The following RAPGEF4 variants were observed in gnomAD, a reference collection of about 807,000 sequenced individuals.
RAPGEF4 encodes RAP guanine-nucleotide-exchange factor (GEF) 4.
Under a neutral mutation model 147.9 loss-of-function variants are expected in RAPGEF4, and 66 were observed. The ratio of observed to expected loss-of-function variants is 0.45; its 90% CI spans 0.37 to 0.55. RAPGEF4 has a LOEUF of 0.55. Among genes scored for constraint, RAPGEF4 ranks in the 20% least tolerant of loss-of-function variants. The pLI is 0.00. For missense variants in RAPGEF4, 1,071 were observed against 1,257.3 expected (o/e 0.85, Z 2.24); for synonymous variants, 419 against 442.7 (o/e 0.95, Z 0.67).
At chr2:172,864,522 T>C (rs1358264401) in intron 4 of RAPGEF4, among the ~76,000 whole-genome samples, 1 of 152,182 alleles carries the variant, frequency 6.6e-6, no homozygotes, top group African/African-American at 2.4e-5. Flanking sequence ...TTGTCTTCAC[T>C]TCCTTCCCTG....
intron 28 of RAPGEF4, 92 bp downstream of exon 28, chr2:173,036,304 G>A: frequency 9.8e-7 from 1 of 1,025,114 alleles, no homozygotes; most frequent in South Asian, 1.4e-5. Flanking sequence ...ACTTAGGGAA[G>A]AATGATCGAT....
intron 6 of RAPGEF4, among the ~76,000 whole-genome samples, chr2:172,950,245 G>T (rs1688078365): frequency 6.6e-6 from 1 of 152,192 alleles, no homozygotes; most frequent in East Asian, 1.9e-4. Flanking sequence ...AGGGCGGTAG[G>T]GGAGGGGCTG....
rs975509695 is a variant in RAPGEF4, at chr2:172,858,911, G to A, written c.444+44486G>A. 4.7e-4 allele frequency among the ~76,000 whole-genome samples: 71 copies of A among 152,170 alleles called. 1 individual carries two copies. The highest frequency in any genetic ancestry group is 1.6e-3 in the African/African-American group (68 of 41,504). On this transcript the variant is annotated intron_variant, in intron 4 of 30. Coordinates refer to ENST00000397081, the MANE Select transcript of RAPGEF4 (RefSeq NM_007023.4). Reference sequence around the variant, plus strand: ...TTTCTGTTTTTGGGGGGTGCGGTTGGGGAAGAACCTGAAATGTGAGTATTT... The same window carrying A: ...TTTCTGTTTTTGGGGGGTGCGGTTGAGGAAGAACCTGAAATGTGAGTATTT...
intron 3 of RAPGEF4, among the ~76,000 whole-genome samples, chr2:172,805,266 C>A (rs530958833): frequency 6.6e-6 from 1 of 152,274 alleles, no homozygotes; most frequent in South Asian, 2.1e-4. Context: ...GAGACCCTCC[C>A]TTAGGAGCTG....
intron 2 of RAPGEF4, 43 bp from the exon 3 acceptor site, chr2:172,797,482 A>G (rs752552092): frequency 9.8e-6 from 15 of 1,525,228 alleles, no homozygotes; most frequent in Non-Finnish European, 1.4e-5. Context: ...TAGTAAAACC[A>G]AGTTGTATCT....
intron 1 of RAPGEF4, among the ~76,000 whole-genome samples, chr2:172,776,659 T>G (rs1169550514): frequency 6.6e-6 from 1 of 152,156 alleles, no homozygotes; most frequent in Non-Finnish European, 1.5e-5. Flanking sequence ...CTTCAGATAA[T>G]TTCTATTGCC....
At position 173,001,248 on chromosome 2, in the gene RAPGEF4, GT is replaced by G. The variant is rs3214814; in HGVS notation, c.1580-11del. 8.1e-6 allele frequency: 13 copies of G among 1,612,530 alleles called. No homozygotes were observed. Among genetic ancestry groups the G allele is most frequent in the Admixed American group, 3.3e-5 (2 of 59,844 alleles). ...CCACAAGAACCTAATTTCCTTTTCT[GT>G]TTTTTTCCCCTTCCAGATTCTGTTT... On this transcript the variant is annotated splice_polypyrimidine_tract_variant and intron_variant, in intron 16 of 30. Coordinates refer to ENST00000397081, the MANE Select transcript of RAPGEF4 (RefSeq NM_007023.4).
chr2:173,041,785 T>C (rs1292115304), intron 29 of RAPGEF4, among the ~76,000 whole-genome samples: 9 of 152,222 alleles, frequency 5.9e-5, no homozygotes, highest in Non-Finnish European at 1.0e-4. Flanking sequence ...TCTTCTCCTT[T>C]TGGCCTCAGG....
At chr2:172,917,948 T>C (rs1192936152) in intron 5 of RAPGEF4, 74 bp downstream of exon 5, 2 of 1,237,378 alleles carry the variant, frequency 1.6e-6, no homozygotes, top group African/African-American at 1.5e-5. Context: ...ACAAAAAATA[T>C]GTCCTACACC....
intron 4 of RAPGEF4, among the ~76,000 whole-genome samples, chr2:172,916,950 T>C (rs1353099923): frequency 6.6e-6 from 1 of 152,238 alleles, no homozygotes; most frequent in Non-Finnish European, 1.5e-5. Flanking sequence ...CATGACACCA[T>C]GCAATAAATA....
intron 6 of RAPGEF4, among the ~76,000 whole-genome samples, chr2:172,960,140 A>T (rs1297928616): frequency 2.0e-5 from 3 of 152,182 alleles, no homozygotes; most frequent in African/African-American, 7.2e-5. Flanking sequence ...TCTAGAGCCT[A>T]GAGCTGATCT....
At chr2:172,900,004 T>C (rs1452787831) in intron 4 of RAPGEF4, among the ~76,000 whole-genome samples, 3 of 152,276 alleles carry the variant, frequency 2.0e-5, no homozygotes, top group African/African-American at 7.2e-5. Context: ...CCTCCCCTCA[T>C]GCCAGATAAC....
At chr2:172,980,443 T>C (rs1030670764) in intron 10 of RAPGEF4, among the ~76,000 whole-genome samples, 1 of 152,054 alleles carries the variant, frequency 6.6e-6, no homozygotes, top group African/African-American at 2.4e-5. Context: ...CCTTGGGGGC[T>C]GAACACAATA....
chr2:172,921,137 C>T (rs1293065302), intron 5 of RAPGEF4, among the ~76,000 whole-genome samples: 1 of 151,052 alleles, frequency 6.6e-6, no homozygotes, highest in African/African-American at 2.4e-5. Flanking sequence ...TTTTTTTAGT[C>T]AGGGTCTCAC....
intron 3 of RAPGEF4, among the ~76,000 whole-genome samples, chr2:172,800,454 T>C (rs1289230892): frequency 6.6e-6 from 1 of 152,230 alleles, no homozygotes; most frequent in Non-Finnish European, 1.5e-5. Context: ...TGTGATGGGC[T>C]CTGGGTCTCT....
chr2:172,941,552 G>T (rs781282383), intron 6 of RAPGEF4, among the ~76,000 whole-genome samples: 4 of 152,150 alleles, frequency 2.6e-5, no homozygotes, highest in Middle Eastern at 3.2e-3. Flanking sequence ...GTAAGCACTT[G>T]ATAAAATGCT....
intron 6 of RAPGEF4, among the ~76,000 whole-genome samples, chr2:172,934,644 A>T (rs1342273700): frequency 6.6e-6 from 1 of 152,072 alleles, no homozygotes; most frequent in African/African-American, 2.4e-5. Context: ...ATTGGAGTTA[A>T]GTACCAAAAT....
chr2:172,860,848 A>G (rs1693962448), intron 4 of RAPGEF4, among the ~76,000 whole-genome samples: 1 of 152,102 alleles, frequency 6.6e-6, no homozygotes, highest in Non-Finnish European at 1.5e-5. Flanking sequence ...GGACCTTTTT[A>G]TATTCCAAAA....
At chr2:173,044,918 A>C (rs2012214) in intron 29 of RAPGEF4, among the ~76,000 whole-genome samples, 40,177 of 151,916 alleles carry the variant, frequency 0.26, 5,652 homozygotes, top group East Asian at 0.6. Context: ...ACACTCCCCC[A>C]CTCCGGCCTG....
Sources: gnomAD v4.1 joint callset for allele counts (sites outside exome capture counted in the v4.1 genomes callset) on GRCh38, gnomAD v4.1.1 for gene constraint, MANE v1.5 for transcripts, NCBI Gene and HGNC (gene_info 2026-07-23, HGNC 2026-07-21) for gene names.